The following NEGR1 variants were observed in gnomAD, a reference collection of about 807,000 sequenced individuals.
NEGR1 encodes IgLON family member 4.
A neutral mutation model predicts 40.9 loss-of-function variants in NEGR1; 10 were observed. That is an observed-to-expected ratio of 0.24 (90% CI 0.15 to 0.42). The LOEUF (loss-of-function observed/expected upper bound fraction) is 0.42, where lower values mean the gene tolerates loss of function less well. Among genes scored for constraint, NEGR1 ranks in the 10% least tolerant of loss-of-function variants. The probability of loss-of-function intolerance (pLI) is 1.00; values close to 1 mark genes in which losing one functional copy is unlikely to be tolerated. For synonymous variants in NEGR1, 185 were observed against 166.8 expected, an observed-to-expected ratio of 1.11 and a Z score of -0.84; for missense variants, 352 against 438.9, an observed-to-expected ratio of 0.80 and a Z score of 1.77.
chr1:72,029,862 A>G (rs1646842205), intron 1 of NEGR1, among the ~76,000 whole-genome samples: 1 of 152,228 alleles, frequency 6.6e-6, no homozygotes, highest in African/African-American at 2.4e-5. Flanking sequence ...AATACTATTC[A>G]GTTTTTATGC....
intron 2 of NEGR1, among the ~76,000 whole-genome samples, chr1:71,798,871 C>T (rs1159028810): frequency 3.9e-5 from 6 of 152,078 alleles, no homozygotes; most frequent in African/African-American, 1.4e-4. Flanking sequence ...TGTGAGTGCA[C>T]CTATGAATGC....
chr1:71,644,248 G>T (rs1651453458), intron 4 of NEGR1, among the ~76,000 whole-genome samples: 1 of 151,830 alleles, frequency 6.6e-6, no homozygotes, highest in Non-Finnish European at 1.5e-5. Context: ...TTTCCCCAGG[G>T]TTAGAATACT....
At position 71,785,090 on chromosome 1, in the gene NEGR1, G is replaced by A. The variant is rs552798926; in HGVS notation, c.410-8793C>T. Among the ~76,000 whole-genome samples the A allele has an allele frequency of 9.2e-5, 14 of 152,250 alleles. 1 individual carries two copies. The South Asian group carries it at 2.9e-3, about 32-fold the overall frequency. On this transcript the variant is annotated intron_variant, in intron 2 of 6. Coordinates refer to ENST00000357731, the MANE Select transcript of NEGR1 (RefSeq NM_173808.3). ...ATACACCAGAATTCAAATCACTGCT[G>A]TACCTCAGGCTTGCTTCAGTTTCAC...
At chr1:72,100,736 A>C (rs1182873595) in intron 1 of NEGR1, 1 of 152,208 alleles carries the variant, frequency 6.6e-6, no homozygotes, top group African/African-American at 2.4e-5. Flanking sequence ...TTATGTGCCT[A>C]CTGTATACCT....
At chr1:71,837,548 T>C (rs1417561760) in intron 2 of NEGR1, among the ~76,000 whole-genome samples, 1 of 152,124 alleles carries the variant, frequency 6.6e-6, no homozygotes, top group African/African-American at 2.4e-5. Flanking sequence ...GTCACGTTTG[T>C]TGCCCTCTTG....
At position 71,436,900 on chromosome 1, in the gene NEGR1, T is replaced by A. The variant is rs1185948473; in HGVS notation, c.941-29330A>T. On this transcript the variant is annotated intron_variant, in intron 6 of 6. Coordinates refer to ENST00000357731, the MANE Select transcript of NEGR1 (RefSeq NM_173808.3). ...AGTATGTGTTAATCAACTGCTTATG[T>A]CATCAGTAAGGCTTCTAGCCAATAG... 2.0e-5 allele frequency among the ~76,000 whole-genome samples: 3 copies of A among 152,314 alleles called. No homozygotes were observed. In the East Asian group the frequency reaches 5.8e-4, roughly 29 times the overall value.
intron 2 of NEGR1, among the ~76,000 whole-genome samples, chr1:71,850,235 A>C (rs1483609432): frequency 6.6e-6 from 1 of 152,110 alleles, no homozygotes; most frequent in East Asian, 1.9e-4. Context: ...GACTCACTGC[A>C]ACCTCCACCT....
At position 71,401,677 on chromosome 1, in the gene NEGR1, G is replaced by A. The variant is rs763796284; in HGVS notation, c.*5769C>T. The A allele has an allele frequency of 6.6e-6, 1 of 152,162 alleles. No homozygotes were observed. The highest frequency in any genetic ancestry group is 1.5e-5 in the Non-Finnish European group (1 of 68,034). 9.4% of individuals were successfully genotyped at this position (152,162 alleles called of 1,614,324 possible). Reference sequence around the variant, plus strand: ...GTATTGTGAATTTTTTTAAAAGTGTGTATGTATTCTGATCTCCATTTCCCC... The same window carrying A: ...GTATTGTGAATTTTTTTAAAAGTGTATATGTATTCTGATCTCCATTTCCCC... On this transcript the variant is annotated 3_prime_UTR_variant, in exon 7 of 7. Coordinates refer to ENST00000357731, the MANE Select transcript of NEGR1 (RefSeq NM_173808.3).
intron 6 of NEGR1, among the ~76,000 whole-genome samples, chr1:71,550,925 T>C (rs1041064859): frequency 6.6e-6 from 1 of 151,638 alleles, no homozygotes. Context: ...AAGTGTATAA[T>C]GCATCTCTTA....
At chr1:72,277,348 G>A (rs991429408) in intron 1 of NEGR1, among the ~76,000 whole-genome samples, 2 of 152,048 alleles carry the variant, frequency 1.3e-5, no homozygotes, top group Non-Finnish European at 2.9e-5. Flanking sequence ...TAGAAGTCAG[G>A]TATTGCAGTA....
chr1:72,013,731 A>C (rs1569824226), intron 1 of NEGR1, among the ~76,000 whole-genome samples: 1 of 151,894 alleles, frequency 6.6e-6, no homozygotes, highest in Non-Finnish European at 1.5e-5. Context: ...TGATGTAGTT[A>C]AAAAACTTTA....
intron 1 of NEGR1, among the ~76,000 whole-genome samples, chr1:72,210,492 T>A (rs1278706704): frequency 6.6e-6 from 1 of 151,940 alleles, no homozygotes; most frequent in Non-Finnish European, 1.5e-5. Flanking sequence ...CTTTAAGGAA[T>A]AACTGATGGA....
intron 6 of NEGR1, among the ~76,000 whole-genome samples, chr1:71,442,353 G>C (rs1286697433): frequency 6.6e-6 from 1 of 150,710 alleles, no homozygotes; most frequent in East Asian, 2.0e-4. Context: ...GGTGGCTCAA[G>C]CCTGTAATAC....
At chr1:72,223,190 CAA>C (rs1243772058) in intron 1 of NEGR1, among the ~76,000 whole-genome samples, 2 of 152,146 alleles carry the variant, frequency 1.3e-5, no homozygotes, top group African/African-American at 4.8e-5. Flanking sequence ...GAGCAAAACA[CAA>C]GTCATCCTGT....
intron 1 of NEGR1, among the ~76,000 whole-genome samples, chr1:72,072,436 T>A (rs1405184485): frequency 1.3e-5 from 2 of 152,108 alleles, no homozygotes; most frequent in East Asian, 3.9e-4. Flanking sequence ...AAAATAGTGT[T>A]CAAAATCAAC....
chr1:71,505,740 G>T (rs543655275), intron 6 of NEGR1, among the ~76,000 whole-genome samples: 2 of 152,174 alleles, frequency 1.3e-5, no homozygotes, highest in African/African-American at 4.8e-5. Flanking sequence ...CAACAGTACC[G>T]CTGGACTGTG....
chr1:71,834,489 A>G (rs886909543), intron 2 of NEGR1, among the ~76,000 whole-genome samples: 11 of 148,514 alleles, frequency 7.4e-5, no homozygotes, highest in Admixed American at 2.1e-4. Context: ...TCCTCCCTCA[A>G]TGGTTGAGCT....
At chr1:72,197,064 G>C (rs914136159) in intron 1 of NEGR1, among the ~76,000 whole-genome samples, 22 of 151,754 alleles carry the variant, frequency 1.4e-4, no homozygotes, top group Admixed American at 1.4e-3. Context: ...GAAAATTTTT[G>C]TGATGTTACC....
chr1:71,623,071 TA>T (rs1438588618), intron 4 of NEGR1, among the ~76,000 whole-genome samples: 4 of 152,060 alleles, frequency 2.6e-5, no homozygotes, highest in Middle Eastern at 6.8e-3. Context: ...TTTGCTAATA[TA>T]TTCTAAAGAA....
Sources: gnomAD v4.1 joint callset for allele counts (sites outside exome capture counted in the v4.1 genomes callset) on GRCh38, gnomAD v4.1.1 for gene constraint, MANE v1.5 for transcripts, NCBI Gene and HGNC (gene_info 2026-07-23, HGNC 2026-07-21) for gene names.